Variants in ZFP1 observed in about 807,000 individuals in gnomAD.
ZFP1 encodes zinc finger protein 1 homolog.
ZFP1 carries 32 observed loss-of-function variants against 38.5 expected under a neutral mutation model. The observed-to-expected ratio is 0.83, with a 90% CI of 0.63 to 1.12. The LOEUF (loss-of-function observed/expected upper bound fraction) is 1.12, where lower values mean the gene tolerates loss of function less well. Among genes scored for constraint, ZFP1 ranks in the 50% most tolerant of loss-of-function variants. The probability of loss-of-function intolerance (pLI) is 0.00; values close to 1 mark genes in which losing one functional copy is unlikely to be tolerated. For missense variants in ZFP1, 616 were observed against 480.8 expected, an observed-to-expected ratio of 1.28 and a Z score of -2.63; for synonymous variants, 245 against 168.8, an observed-to-expected ratio of 1.45 and a Z score of -3.50.
rs368208058 is a variant in ZFP1 at position 75,169,238 on chromosome 16, G to A, written c.143-15G>A. ...GCATTGACAAGGTTCTTTTCATTGT[G>A]CTCTCTATTCCTAGAAGTGTGGAAG... On this transcript the variant is annotated splice_polypyrimidine_tract_variant and intron_variant, in intron 3 of 3. Transcript: ENST00000570010. 52 of 1,584,062 alleles carry A rather than the reference G, an allele frequency of 3.3e-5. No individual in the cohort carries two copies. In the African/African-American group the frequency reaches 5.2e-4, roughly 16 times the overall value.
intron 3 of ZFP1, among the ~76,000 whole-genome samples, chr16:75,167,687 C>T (rs1036485676): frequency 6.6e-6 from 1 of 152,156 alleles, no homozygotes; most frequent in African/African-American, 2.4e-5. Flanking sequence ...GTAGCGTCCA[C>T]CTCCTGAGCT....
chr16:75,131,218 G>C, the ZFP1 span, among the ~76,000 whole-genome samples: 1 of 152,130 alleles, frequency 6.6e-6, no homozygotes, highest in African/African-American at 2.4e-5. Context: ...CCACCCTCAG[G>C]AGCATGAGGA....
chr16:75,169,630 C>T lies in ZFP1; in HGVS notation c.520C>T (p.His174Tyr). The T allele has an allele frequency of 6.3e-7, 1 of 1,593,110 alleles. No individual in the cohort carries two copies. The highest frequency in any genetic ancestry group is 8.5e-7 in the Non-Finnish European group (1 of 1,174,180). The change falls in exon 4 of 4, where the codon CAT becomes TAT. Residue 174 changes from histidine to tyrosine, a missense_variant. Transcript: ENST00000570010. Reference protein sequence around the residue: ...ALSHKAAIFKHQKIKNLVQPF... With the variant: ...ALSHKAAIFKYQKIKNLVQPF... ...CAGCCATAAAGCAGCCATTTTTAAA[C>T]ATCAGAAAATAAAAAACTTGGTTCA...
intron 1 of ZFP1, among the ~76,000 whole-genome samples, chr16:75,151,695 T>G (rs899010457): frequency 7.2e-5 from 11 of 152,202 alleles, no homozygotes; most frequent in Admixed American, 2.0e-4. Flanking sequence ...TTTGCTACTA[T>G]TTTTGCTTTA....
chr16:75,138,070 C>G, the ZFP1 span, among the ~76,000 whole-genome samples: 179 of 103,368 alleles, frequency 1.7e-3, no homozygotes, highest in African/African-American at 7.0e-3. Context: ...CGGAGTCTCA[C>G]TCTGTTTTCA....
chr16:75,140,851 C>G, the ZFP1 span, among the ~76,000 whole-genome samples: 2 of 151,954 alleles, frequency 1.3e-5, no homozygotes, highest in Non-Finnish European at 2.9e-5. Flanking sequence ...CCCAGCTACT[C>G]GGAAGGCTGA....
chr16:75,168,192 A>C (rs558462609), intron 3 of ZFP1, among the ~76,000 whole-genome samples: 13 of 151,198 alleles, frequency 8.6e-5, no homozygotes, highest in Non-Finnish European at 1.8e-4. Context: ...GTGAAAGGGT[A>C]GTTCTGAATT....
the ZFP1 span, among the ~76,000 whole-genome samples, chr16:75,139,953 T>G: frequency 3.7e-4 from 56 of 152,322 alleles, no homozygotes; most frequent in East Asian, 4.4e-3. Flanking sequence ...TTTTATTACA[T>G]ATGTATTTTA....
At chr16:75,166,471 C>T (rs1356391892) in intron 2 of ZFP1, 63 of 883,026 alleles carry the variant, frequency 7.1e-5, no homozygotes, top group Non-Finnish European at 8.1e-5. Context: ...AGTGATTCCC[C>T]CGCCCACCTA....
intron 2 of ZFP1, among the ~76,000 whole-genome samples, chr16:75,157,475 C>T (rs1274913370): frequency 1.3e-5 from 2 of 151,950 alleles, no homozygotes; most frequent in Admixed American, 6.6e-5. Context: ...AACTCCTGGC[C>T]TCAAGTGATA....
At chr16:75,121,754 G>A in the ZFP1 span, among the ~76,000 whole-genome samples, 9 of 152,196 alleles carry the variant, frequency 5.9e-5, no homozygotes, top group South Asian at 2.1e-4. Flanking sequence ...AAAAGTGCTC[G>A]AATGAAATGC....
At chr16:75,168,502 G>A (rs1261876383) in intron 3 of ZFP1, among the ~76,000 whole-genome samples, 1 of 151,784 alleles carries the variant, frequency 6.6e-6, no homozygotes, top group Non-Finnish European at 1.5e-5. Context: ...AAGAAAAGTA[G>A]GATATGATAG....
At chr16:75,147,245 A>G (rs1436693767), upstream of ZFP1, among the ~76,000 whole-genome samples, 1 of 152,144 alleles carries the variant, frequency 6.6e-6, no homozygotes, top group Non-Finnish European at 1.5e-5. Context: ...CATCAAGTGA[A>G]CACTAATGTA....
chr16:75,156,533 T>C lies in ZFP1; in HGVS notation c.15+3567T>C, dbSNP rs545337490. 2.0e-4 allele frequency among the ~76,000 whole-genome samples: 31 copies of C among 152,296 alleles called. 1 individual carries two copies. The highest frequency in any genetic ancestry group is 7.0e-4 in the African/African-American group (29 of 41,564). On this transcript the variant is annotated intron_variant, in intron 2 of 3. Coordinates refer to ENST00000570010, the MANE Select transcript of ZFP1 (RefSeq NM_153688.4). Reference sequence around the variant, plus strand: ...CCAGGAAAAGATGAGCTGAATTGAATTTCCAGGTATAGCCTGGCTTTGACT... The same window carrying C: ...CCAGGAAAAGATGAGCTGAATTGAACTTCCAGGTATAGCCTGGCTTTGACT...
the ZFP1 span, among the ~76,000 whole-genome samples, chr16:75,127,534 T>A: frequency 1.3e-5 from 2 of 152,288 alleles, no homozygotes; most frequent in South Asian, 4.1e-4. Flanking sequence ...TTGGCCAGGC[T>A]GGTCTTGAAC....
At chr16:75,133,053 C>A in the ZFP1 span, among the ~76,000 whole-genome samples, 7 of 151,946 alleles carry the variant, frequency 4.6e-5, no homozygotes, top group Middle Eastern at 3.4e-3. Flanking sequence ...TCTTGGCTCA[C>A]CACAACCTCT....
Position 75,166,881 on chromosome 16 carries a change from A to C in ZFP1, c.127A>C (p.Asn43His). Residue 43 changes from asparagine to histidine, a missense_variant, in exon 3 of 4, where the codon AAC becomes CAC. By Grantham distance (68) the Asn-to-His change is moderately conservative (BLOSUM62 1). Transcript: ENST00000570010. ...YMDVMLENYS[N>H]LLSVEVWKAD... ...GGATGTGATGCTGGAGAATTATAGC[A>C]ACTTACTTTCAGTGGGTAAGGACGG... 6.2e-7 allele frequency: 1 copy of C among 1,613,898 alleles called. No individual in the cohort carries two copies. The highest frequency in any genetic ancestry group is 8.5e-7 in the Non-Finnish European group (1 of 1,179,824).
chr16:75,154,261 T>G (rs1210572392), intron 2 of ZFP1, among the ~76,000 whole-genome samples: 2 of 152,154 alleles, frequency 1.3e-5, no homozygotes, highest in African/African-American at 2.4e-5. Flanking sequence ...AAGTCTTTTC[T>G]TGGCTTGATA....
the ZFP1 span, among the ~76,000 whole-genome samples, chr16:75,124,402 T>C: frequency 1.3e-5 from 2 of 150,568 alleles, no homozygotes; most frequent in South Asian, 2.1e-4. Flanking sequence ...TCAGGTGATC[T>C]GCCCTCCTCA....
Sources: allele counts gnomAD v4.1 joint callset (sites outside exome capture counted in the v4.1 genomes callset), GRCh38; gene constraint gnomAD v4.1.1; transcripts MANE v1.5; gene names NCBI Gene and HGNC (gene_info 2026-07-23, HGNC 2026-07-21).